The following DDHD1 variants were observed in gnomAD, a reference collection of about 807,000 sequenced individuals.
The protein encoded by DDHD1 is phospholipase DDHD1.
Under a neutral mutation model 96.4 loss-of-function variants are expected in DDHD1, and 49 were observed. The ratio of observed to expected loss-of-function variants is 0.51; its 90% confidence interval spans 0.40 to 0.64. The LOEUF (loss-of-function observed/expected upper bound fraction) is 0.64, where lower values mean the gene tolerates loss of function less well. DDHD1 is among the 30% of genes least tolerant of loss of function. The pLI is 0.00. For missense variants in DDHD1, 1,106 were observed against 1,161.2 expected (o/e 0.95, Z 0.69); for synonymous variants, 442 against 446.5 (o/e 0.99, Z 0.13).
rs1881295847 is a variant in DDHD1 at position 53,036,826 on chromosome 14, G to T, written c.*9942C>A. ...AAACAGTGGGTAAATGTGCAAGTTT[G>T]TTACAAGGGTATATTGTGTGATGCT... is the stretch of plus-strand genomic sequence containing the variant. On this transcript the variant is annotated 3_prime_UTR_variant, in exon 13 of 13. Transcript: ENST00000673822. The T allele has an allele frequency of 6.6e-6, 1 of 152,100 alleles. No individual in the cohort carries two copies. Among genetic ancestry groups the T allele is most frequent in the South Asian group, 2.1e-4 (1 of 4,828 alleles). The allele number at this position is 152,100 out of a possible 1,614,324, so 9.4% of individuals were successfully genotyped here. A position where few individuals can be genotyped will look rare whatever the true frequency, so the allele number is the denominator to read the frequency against.
At chr14:53,140,054 T>TC (rs1890536015) in intron 1 of DDHD1, among the ~76,000 whole-genome samples, 1 of 151,896 alleles carries the variant, frequency 6.6e-6, no homozygotes, top group South Asian at 2.1e-4. Flanking sequence ...GTAAGATAGA[T>TC]AAAGAATACC....
At position 53,046,762 on chromosome 14, in the gene DDHD1, G is replaced by T; in HGVS notation, c.*6C>A. On this transcript the variant is annotated 3_prime_UTR_variant, in exon 13 of 13. Transcript: ENST00000673822. ...GTTTTAGGCCATTCATGTCCTTCAA[G>T]AGAGTTCAGATTGGATCTAAATTGG... 2 of 41,608 alleles carry T rather than the reference G, an allele frequency of 4.8e-5. No individual in the cohort carries two copies. Among genetic ancestry groups the T allele is most frequent in the Non-Finnish European group, 6.0e-5 (2 of 33,360 alleles). 2.6% of individuals were successfully genotyped at this position (41,608 alleles called of 1,614,324 possible). A position where few individuals can be genotyped will look rare whatever the true frequency, so the allele number is the denominator to read the frequency against.
chr14:53,133,227 C>G (rs777105673), intron 1 of DDHD1, among the ~76,000 whole-genome samples: 27 of 152,188 alleles, frequency 1.8e-4, no homozygotes, highest in Non-Finnish European at 3.5e-4. Flanking sequence ...TGCCCCTGCC[C>G]AGGACTGGCA....
intron 1 of DDHD1, among the ~76,000 whole-genome samples, chr14:53,119,356 G>C (rs1038797000): frequency 6.6e-6 from 1 of 152,100 alleles, no homozygotes; most frequent in Non-Finnish European, 1.5e-5. Context: ...CCAATCAAAA[G>C]ACACAGACTG....
chr14:53,062,849 ATTTC>A lies in DDHD1; in HGVS notation c.1766+90_1766+93del, dbSNP rs1883707173. ...ATCTTTGTATCTTGAACAATGCATT[ATTTC>A]TTTATCATGAAATTCTTAGTTTTCT... is the stretch of plus-strand genomic sequence containing the variant. On this transcript the variant is annotated intron_variant, in intron 7 of 12. Coordinates refer to ENST00000673822, the MANE Select transcript of DDHD1 (RefSeq NM_001160148.2). 7 of 1,316,912 alleles carry A rather than the reference ATTTC, an allele frequency of 5.3e-6. No homozygotes were observed. In the Admixed American group the frequency reaches 6.9e-5, roughly 13 times the overall value. The allele number at this position is 1,316,912 out of a possible 1,614,324, so 81.6% of individuals were successfully genotyped here.
intron 2 of DDHD1, among the ~76,000 whole-genome samples, chr14:53,097,858 G>A (rs1464376979): frequency 6.6e-6 from 1 of 151,704 alleles, no homozygotes; most frequent in Non-Finnish European, 1.5e-5. Flanking sequence ...TATACACAGA[G>A]AAACAAAGAA....
chr14:53,063,279 C>T (rs1883753376), intron 6 of DDHD1, 74 bp from the exon 7 acceptor site: 1 of 1,484,782 alleles, frequency 6.7e-7, no homozygotes, highest in South Asian at 1.3e-5. Context: ...AACTCAAATA[C>T]ATTAAGGTAG....
chr14:53,046,926 A>C lies in DDHD1; in HGVS notation c.2545T>G (p.Phe849Val). The C allele has an allele frequency of 6.2e-7, 1 of 1,609,068 alleles. No individual in the cohort carries two copies. Among genetic ancestry groups the C allele is most frequent in the Non-Finnish European group, 8.5e-7 (1 of 1,177,928 alleles). ...TCCACAAGGCCTTCTCTGAGTTCAA[A>C]ATCAATCCTGTGATCCAACTCCACT... Reference protein sequence around the residue: ...ALVELDHRIDFELREGLVESR... With the variant: ...ALVELDHRIDVELREGLVESR... Residue 849 changes from phenylalanine to valine, a missense_variant, in exon 13 of 13, where the codon TTT (phenylalanine) becomes GTT (valine). By Grantham distance (50) the Phe-to-Val change is conservative. Around this residue, in one of 2 missense-constraint regions of DDHD1, gnomAD observed 650 missense variants for 758.8 expected, o/e 0.86. Coordinates refer to ENST00000673822, the MANE Select transcript of DDHD1 (RefSeq NM_001160148.2).
chr14:53,139,217 G>A (rs1270903971), intron 1 of DDHD1, among the ~76,000 whole-genome samples: 1 of 152,128 alleles, frequency 6.6e-6, no homozygotes, highest in Non-Finnish European at 1.5e-5. Flanking sequence ...CCACTTGTGA[G>A]ACCCAGAGAC....
At chr14:53,053,163 CT>C (rs1292384330) in intron 11 of DDHD1, 3 of 151,970 alleles carry the variant, frequency 2.0e-5, no homozygotes, top group Non-Finnish European at 4.4e-5. Flanking sequence ...TTTTTACCTG[CT>C]ACCTTACAAA....
In DDHD1 at chr14:53,044,934, T is replaced by C. The variant is rs2139798994; in HGVS notation, c.*1834A>G. 1 of 152,306 alleles carries C rather than the reference T, an allele frequency of 6.6e-6. No homozygotes were observed. Among genetic ancestry groups the C allele is most frequent in the Non-Finnish European group, 1.5e-5 (1 of 68,028 alleles). The allele number at this position is 152,306 out of a possible 1,614,324, so 9.4% of individuals were successfully genotyped here. A position where few individuals can be genotyped will look rare whatever the true frequency, so the allele number is the denominator to read the frequency against. On this transcript the variant is annotated 3_prime_UTR_variant, in exon 13 of 13. Coordinates refer to ENST00000673822, the MANE Select transcript of DDHD1 (RefSeq NM_001160148.2). ...GATTATTGGGAAGCTAAGCAATTCCTTGCAAGTTAAGAAAAGACAGCACCT... is the reference window on the plus strand; with the variant it reads ...GATTATTGGGAAGCTAAGCAATTCCCTGCAAGTTAAGAAAAGACAGCACCT...
intron 1 of DDHD1, among the ~76,000 whole-genome samples, chr14:53,115,611 C>G (rs1362174093): frequency 6.6e-6 from 1 of 152,152 alleles, no homozygotes; most frequent in Non-Finnish European, 1.5e-5. Flanking sequence ...CCCGGAATTT[C>G]ATATCCAGCC....
At chr14:53,117,473 C>G (rs906671584) in intron 1 of DDHD1, among the ~76,000 whole-genome samples, 1 of 152,322 alleles carries the variant, frequency 6.6e-6, no homozygotes, top group Admixed American at 6.5e-5. Flanking sequence ...TCTTAGCAAC[C>G]GGCAGACCAG....
At chr14:53,079,989 C>T (rs1403803067) in intron 4 of DDHD1, among the ~76,000 whole-genome samples, 3 of 152,168 alleles carry the variant, frequency 2.0e-5, no homozygotes, top group Admixed American at 6.5e-5. Flanking sequence ...TGTACAAGAA[C>T]ATCTATTAAC....
At chr14:53,064,148 A>G (rs1455293731) in intron 6 of DDHD1, among the ~76,000 whole-genome samples, 1 of 152,086 alleles carries the variant, frequency 6.6e-6, no homozygotes, top group Non-Finnish European at 1.5e-5. Context: ...GTCTGAAAGG[A>G]GCTATAATAT....
chr14:53,062,857 A>G, intron 7 of DDHD1, 86 bp downstream of exon 7: 2 of 1,367,596 alleles, frequency 1.5e-6, no homozygotes, highest in East Asian at 4.7e-5. Context: ...TTATTTCTTT[A>G]TCATGAAATT....
In DDHD1 at chr14:53,091,870, G is replaced by C. The variant is rs150693025; in HGVS notation, c.1204C>G (p.Pro402Ala). 54 of 1,613,472 alleles carry C rather than the reference G, an allele frequency of 3.3e-5. No homozygotes were observed. Among genetic ancestry groups the C allele is most frequent in the Non-Finnish European group, 4.3e-5 (51 of 1,179,670 alleles). ...AATACAATATGGGTAGTCTGTGATG[G>C]CTTGTCTTCTAATGTGGCTTCTTCT... ...YVEEATLEDK[P>A]SQTTHIVFVV... The change falls in exon 4 of 13, where the codon CCA becomes GCA. Residue 402 changes from proline (P) to alanine (A), a missense_variant. Pro to Ala is a conservative substitution (Grantham distance 27). This residue lies in a region of DDHD1 where 650 missense variants were observed against 758.8 expected (regional missense o/e 0.86). Coordinates refer to ENST00000673822, the MANE Select transcript of DDHD1 (RefSeq NM_001160148.2).
Position 53,077,847 on chromosome 14 carries a change from T to C in DDHD1, c.1290-4000A>G, listed in dbSNP as rs188639049. Among the ~76,000 whole-genome samples the C allele has an allele frequency of 4.2e-3, 642 of 152,256 alleles. 4 individuals are homozygous for C. The highest frequency in any genetic ancestry group is 6.7e-3 in the Non-Finnish European group (455 of 67,994). ...CAGCACCCACTAATCTACTTTCAGA[T>C]TTGTCTATTTTGAACATTTCATATA... On this transcript the variant is annotated intron_variant, in intron 4 of 12. Transcript: ENST00000673822.
At chr14:53,147,263 A>C (rs895515932) in intron 1 of DDHD1, among the ~76,000 whole-genome samples, 1 of 152,198 alleles carries the variant, frequency 6.6e-6, no homozygotes, top group Non-Finnish European at 1.5e-5. Flanking sequence ...TACAAACTAT[A>C]AAGAGTTATA....
Sources: gnomAD v4.1 joint callset for allele counts (sites outside exome capture counted in the v4.1 genomes callset) on GRCh38, gnomAD v4.1.1 for gene constraint, gnomAD v4.1.1 regional missense constraint, MANE v1.5 for transcripts, NCBI Gene and HGNC (gene_info 2026-07-23, HGNC 2026-07-21) for gene names.